The following RARS2 variants were observed in gnomAD, a reference collection of about 807,000 sequenced individuals.
RARS2 encodes probable arginine--tRNA ligase, mitochondrial.
A neutral mutation model predicts 88.5 loss-of-function variants in RARS2; 67 were observed. That is an observed-to-expected ratio of 0.76 (90% CI 0.62 to 0.93). RARS2 has a LOEUF of 0.93. Among genes scored for constraint, RARS2 ranks in the 40% least tolerant of loss-of-function variants. The pLI is 0.00. For synonymous variants in RARS2, 239 were observed against 230.3 expected (o/e 1.04, Z -0.34); for missense variants, 664 against 684.2 (o/e 0.97, Z 0.33).
chr6:87,538,979 AGCCGTGATTGT>A (rs1182742991), intron 8 of RARS2, among the ~76,000 whole-genome samples: 4 of 152,100 alleles, frequency 2.6e-5, no homozygotes, highest in Non-Finnish European at 5.9e-5. Context: ...GGCTGCAGTG[AGCCGTGATTGT>A]GCCACTATAT....
At chr6:87,562,471 T>C (rs1788141366) in intron 4 of RARS2, among the ~76,000 whole-genome samples, 1 of 152,214 alleles carries the variant, frequency 6.6e-6, no homozygotes, top group African/African-American at 2.4e-5. Context: ...GACTATACAG[T>C]GCTATGAGAG....
At position 87,514,355 on chromosome 6, in the gene RARS2, C is replaced by CATCT; in HGVS notation, c.*54_*57dup. The CATCT allele has an allele frequency of 8.6e-7, 1 of 1,163,504 alleles. No homozygotes were observed. The highest frequency in any genetic ancestry group is 2.4e-5 in the East Asian group (1 of 42,326). The allele number at this position is 1,163,504 out of a possible 1,614,324, so 72.1% of individuals were successfully genotyped here. On this transcript the variant is annotated 3_prime_UTR_variant, in exon 20 of 20. Coordinates refer to ENST00000369536, the MANE Select transcript of RARS2 (RefSeq NM_020320.5). ...TTTAAATTTATTCTGAACAGCAAGG[C>CATCT]ATCTCAGAATAGATAACTAGAATTC...
chr6:87,517,739 A>G (rs1240337315), intron 17 of RARS2, among the ~76,000 whole-genome samples: 1 of 152,228 alleles, frequency 6.6e-6, no homozygotes, highest in Non-Finnish European at 1.5e-5. Flanking sequence ...AGCATCACAT[A>G]CATATATGTA....
At chr6:87,588,518 T>G (rs112669106) in intron 1 of RARS2, among the ~76,000 whole-genome samples, 2,381 of 152,098 alleles carry the variant, frequency 0.016, 22 homozygotes, top group Non-Finnish European at 0.023. Context: ...ACTACAGAGG[T>G]GCACCATCAT....
At chr6:87,543,451 G>A (rs1781658471) in intron 7 of RARS2, among the ~76,000 whole-genome samples, 1 of 151,508 alleles carries the variant, frequency 6.6e-6, no homozygotes, top group Non-Finnish European at 1.5e-5. Flanking sequence ...ACACCAGCCT[G>A]ATGAACATGG....
intron 1 of RARS2, among the ~76,000 whole-genome samples, chr6:87,570,576 G>C (rs62417693): frequency 0.032 from 4,870 of 152,040 alleles, 104 homozygotes; most frequent in Middle Eastern, 0.054. Flanking sequence ...ACACCACCAA[G>C]CGCAGCTAAT....
Position 87,518,819 on chromosome 6 carries a change from C to A in RARS2, c.1305+5G>T. 6.2e-7 allele frequency: 1 copy of A among 1,613,948 alleles called. No homozygotes were observed. The highest frequency in any genetic ancestry group is 8.5e-7 in the Non-Finnish European group (1 of 1,179,808). On this transcript the variant is annotated splice_donor_5th_base_variant and intron_variant, in intron 15 of 19. Transcript: ENST00000369536. ...AGGGCCTCACAGGTAGGAGTCTTAACAGACCTGAATAATGAGTGCTGCGAG... is the reference window on the plus strand; with the variant it reads ...AGGGCCTCACAGGTAGGAGTCTTAAAAGACCTGAATAATGAGTGCTGCGAG...
chr6:87,548,115 C>T (rs1245336802), intron 6 of RARS2, among the ~76,000 whole-genome samples: 12 of 152,032 alleles, frequency 7.9e-5, no homozygotes, highest in Non-Finnish European at 1.2e-4. Flanking sequence ...TGGTGGCGCA[C>T]GCCTGTAATC....
At chr6:87,520,377 G>A in intron 12 of RARS2, 121 bp from the exon 13 acceptor site, 1 of 761,376 alleles carries the variant, frequency 1.3e-6, no homozygotes, top group East Asian at 2.7e-5. Context: ...CAATTGATAT[G>A]TTTTAACTAA....
At chr6:87,528,169 C>G (rs1366526197) in intron 10 of RARS2, among the ~76,000 whole-genome samples, 1 of 148,934 alleles carries the variant, frequency 6.7e-6, no homozygotes, top group African/African-American at 2.5e-5. Flanking sequence ...CACTAATCAT[C>G]AGGGAAATAC....
chr6:87,572,935 C>T (rs4365903), intron 1 of RARS2, among the ~76,000 whole-genome samples: 87,464 of 147,248 alleles, frequency 0.59, 26,291 homozygotes, highest in African/African-American at 0.75. Flanking sequence ...TATATATATA[C>T]ATACTCAGTA....
intron 1 of RARS2, among the ~76,000 whole-genome samples, chr6:87,587,402 ATCC>A: frequency 6.6e-6 from 1 of 152,274 alleles, no homozygotes; most frequent in Non-Finnish European, 1.5e-5. Context: ...ATTATTATTT[ATCC>A]TCAAGTTTCA....
chr6:87,578,578 C>T (rs1000558426), intron 1 of RARS2, among the ~76,000 whole-genome samples: 2 of 152,152 alleles, frequency 1.3e-5, no homozygotes, highest in African/African-American at 4.8e-5. Flanking sequence ...TTTACTAACT[C>T]CACATGGTGC....
At chr6:87,519,076 G>C in intron 14 of RARS2, 185 bp from the exon 15 acceptor site, 1 of 615,990 alleles carries the variant, frequency 1.6e-6, no homozygotes, top group East Asian at 2.9e-5. Flanking sequence ...TACATTAAAG[G>C]GAAAGAAATC....
At chr6:87,588,883 A>C (rs1278859688) in intron 1 of RARS2, among the ~76,000 whole-genome samples, 1 of 152,164 alleles carries the variant, frequency 6.6e-6, no homozygotes, top group Non-Finnish European at 1.5e-5. Flanking sequence ...TTCCCAGTTT[A>C]ATACACTACC....
At chr6:87,578,939 A>C in intron 1 of RARS2, among the ~76,000 whole-genome samples, 1 of 137,730 alleles carries the variant, frequency 7.3e-6, no homozygotes, top group African/African-American at 2.7e-5. Context: ...CAGCCTGGAG[A>C]CAGAGCGAGA....
At chr6:87,545,177 G>A (rs561981633) in intron 7 of RARS2, among the ~76,000 whole-genome samples, 1 of 152,104 alleles carries the variant, frequency 6.6e-6, no homozygotes, top group Non-Finnish European at 1.5e-5. Flanking sequence ...TTGACCTCCT[G>A]GGCTAACACG....
At chr6:87,547,346 G>A (rs572052229) in intron 6 of RARS2, among the ~76,000 whole-genome samples, 60 of 151,998 alleles carry the variant, frequency 3.9e-4, no homozygotes, top group Non-Finnish European at 7.8e-4. Context: ...AGAGCTGACC[G>A]CACAACAATC....
intron 8 of RARS2, among the ~76,000 whole-genome samples, chr6:87,531,332 A>G (rs1777461779): frequency 6.6e-6 from 1 of 152,198 alleles, no homozygotes; most frequent in African/African-American, 2.4e-5. Context: ...CCTATTTAAG[A>G]CTAAACTGGC....
Sources: gnomAD v4.1 joint callset for allele counts (sites outside exome capture counted in the v4.1 genomes callset) on GRCh38, gnomAD v4.1.1 for gene constraint, MANE v1.5 for transcripts, NCBI Gene and HGNC (gene_info 2026-07-23, HGNC 2026-07-21) for gene names.